Variants in RIT2 observed in about 807,000 individuals in gnomAD.
RIT2 encodes Ras like without CAAX 2, also known as GTP-binding protein Rit2.
In RIT2, 24 loss-of-function variants were observed where a neutral mutation model predicts 23.7. The observed-to-expected ratio is 1.01, with a 90% CI of 0.73 to 1.43. The LOEUF is 1.43. Ranked by LOEUF, RIT2 falls within the 40% of genes most tolerant of loss-of-function variation. RIT2 has a pLI of 0.00. For synonymous variants in RIT2, 107 were observed against 91.1 expected (o/e 1.17, Z -0.99); for missense variants, 236 against 266.9 (o/e 0.88, Z 0.81).
At chr18:42,956,868 T>C (rs933816745) in intron 3 of RIT2, among the ~76,000 whole-genome samples, 3 of 152,144 alleles carry the variant, frequency 2.0e-5, no homozygotes, top group African/African-American at 7.2e-5. Flanking sequence ...CCCGGAAGGC[T>C]GCTAAGAGAG....
At chr18:42,955,613 T>C (rs1036858822) in intron 3 of RIT2, among the ~76,000 whole-genome samples, 6 of 152,224 alleles carry the variant, frequency 3.9e-5, no homozygotes, top group Non-Finnish European at 7.3e-5. Context: ...TCTGGTTATA[T>C]GCCTGAGTCT....
intron 2 of RIT2, among the ~76,000 whole-genome samples, chr18:42,999,434 C>T (rs1343285048): frequency 1.3e-5 from 2 of 151,952 alleles, no homozygotes; most frequent in Non-Finnish European, 2.9e-5. Flanking sequence ...AAGTCCCTGC[C>T]TATGAGAAAA....
intron 4 of RIT2, among the ~76,000 whole-genome samples, chr18:42,753,539 G>A (rs1913095023): frequency 6.6e-6 from 1 of 152,088 alleles, no homozygotes; most frequent in Admixed American, 6.6e-5. Flanking sequence ...CAAACTCTTT[G>A]GATTTATTTT....
intron 2 of RIT2, among the ~76,000 whole-genome samples, chr18:42,991,473 T>G (rs1231697391): frequency 6.6e-6 from 1 of 152,166 alleles, no homozygotes; most frequent in Non-Finnish European, 1.5e-5. Context: ...ACCAAATTCT[T>G]TCCAATTTTG....
chr18:43,102,422 C>T (rs1053177253), intron 1 of RIT2, among the ~76,000 whole-genome samples: 1 of 149,198 alleles, frequency 6.7e-6, no homozygotes, highest in Non-Finnish European at 1.5e-5. Context: ...TTTTCTCCTC[C>T]TCACTCCAAC....
intron 4 of RIT2, among the ~76,000 whole-genome samples, chr18:42,898,020 T>A (rs1010756549): frequency 6.6e-6 from 1 of 152,134 alleles, no homozygotes; most frequent in Non-Finnish European, 1.5e-5. Context: ...ATGGTCAGGA[T>A]TTCCTATTGA....
At chr18:42,989,055 A>G (rs1910780538) in intron 2 of RIT2, among the ~76,000 whole-genome samples, 1 of 152,208 alleles carries the variant, frequency 6.6e-6, no homozygotes, top group South Asian at 2.1e-4. Context: ...TACACCAAAG[A>G]TAAATCTGAC....
chr18:43,047,065 G>T (rs2144303525), intron 1 of RIT2, among the ~76,000 whole-genome samples: 1 of 152,132 alleles, frequency 6.6e-6, no homozygotes, highest in South Asian at 2.1e-4. Context: ...TATTTCAAAA[G>T]CCTATAATCA....
Position 42,967,642 on chromosome 18 carries a change from C to T in RIT2, c.234+6432G>A, listed in dbSNP as rs1051097361. Among the ~76,000 whole-genome samples, 5 of 146,850 alleles carry T rather than the reference C, an allele frequency of 3.4e-5. No homozygotes were observed. The Admixed American group carries it at 3.5e-4, about 10-fold the overall frequency. On this transcript the variant is annotated intron_variant, in intron 3 of 4. Transcript: ENST00000326695. ...TGCTGACCTCGTGATCCGCTCATCT[C>T]GGCCTCCCAAAGTACTGGGATTACA...
chr18:42,918,945 G>T (rs893697086), intron 4 of RIT2, among the ~76,000 whole-genome samples: 1 of 152,054 alleles, frequency 6.6e-6, no homozygotes, highest in Non-Finnish European at 1.5e-5. Context: ...ACCCACATGG[G>T]TCTCTCCTGG....
intron 4 of RIT2, among the ~76,000 whole-genome samples, chr18:42,910,941 T>C (rs1384891070): frequency 6.6e-6 from 1 of 151,968 alleles, no homozygotes; most frequent in Non-Finnish European, 1.5e-5. Flanking sequence ...AACAACAAGA[T>C]CTACTGACAT....
At chr18:42,887,562 A>AGGAT (rs1425097616) in intron 4 of RIT2, among the ~76,000 whole-genome samples, 2 of 152,092 alleles carry the variant, frequency 1.3e-5, no homozygotes, top group Non-Finnish European at 2.9e-5. Flanking sequence ...AAGAGGGGGG[A>AGGAT]GGATGCAAAA....
chr18:43,030,320 A>G (rs1427541502), intron 2 of RIT2, among the ~76,000 whole-genome samples: 1 of 152,088 alleles, frequency 6.6e-6, no homozygotes, highest in African/African-American at 2.4e-5. Context: ...GCAAAGATGT[A>G]GGTGAAAAAA....
At chr18:43,019,361 G>C (rs1287500276) in intron 2 of RIT2, among the ~76,000 whole-genome samples, 3 of 151,916 alleles carry the variant, frequency 2.0e-5, no homozygotes, top group Non-Finnish European at 4.4e-5. Context: ...ATTTATTCCA[G>C]AGATTCAAGG....
rs191835433 is a variant in RIT2 at position 42,939,802 on chromosome 18, C to T, written c.235-16039G>A. Among the ~76,000 whole-genome samples the T allele has an allele frequency of 7.2e-4, 109 of 152,106 alleles. 2 individuals are homozygous for T. The highest frequency in any genetic ancestry group is 2.6e-3 in the Admixed American group (39 of 15,254). On this transcript the variant is annotated intron_variant, in intron 3 of 4. Transcript: ENST00000326695. Reference sequence around the variant, plus strand: ...TAGAGAACAATATAATCTTTGATAGCTCTTGGCACATCATATAATACAAAA... The same window carrying T: ...TAGAGAACAATATAATCTTTGATAGTTCTTGGCACATCATATAATACAAAA...
At chr18:43,015,318 T>C (rs915258534) in intron 2 of RIT2, among the ~76,000 whole-genome samples, 2 of 151,658 alleles carry the variant, frequency 1.3e-5, no homozygotes, top group Non-Finnish European at 3.0e-5. Context: ...CTTGAACTAC[T>C]AGATGGATAG....
chr18:42,805,605 A>C (rs1905662404), intron 4 of RIT2, among the ~76,000 whole-genome samples: 1 of 152,214 alleles, frequency 6.6e-6, no homozygotes, highest in African/African-American at 2.4e-5. Flanking sequence ...TTGTAACATC[A>C]TGTAGTCATC....
At chr18:42,787,647 T>C (rs1037303967) in intron 4 of RIT2, among the ~76,000 whole-genome samples, 5 of 152,160 alleles carry the variant, frequency 3.3e-5, no homozygotes, top group Non-Finnish European at 7.4e-5. Flanking sequence ...TGAACATGAA[T>C]GTATCTTGTC....
chr18:42,975,110 C>T (rs1910448907), intron 2 of RIT2, among the ~76,000 whole-genome samples: 2 of 152,006 alleles, frequency 1.3e-5, no homozygotes, highest in South Asian at 4.1e-4. Context: ...TTATCTGCAA[C>T]CTCACTGGCA....
Sources: allele counts gnomAD v4.1 joint callset (sites outside exome capture counted in the v4.1 genomes callset), GRCh38; gene constraint gnomAD v4.1.1; transcripts MANE v1.5; gene names NCBI Gene and HGNC (gene_info 2026-07-23, HGNC 2026-07-21).